The following KAZN variants were observed in gnomAD, a reference collection of about 807,000 sequenced individuals.
KAZN encodes kazrin, periplakin interacting protein, also known as kazrin.
Under a neutral mutation model 87.4 loss-of-function variants are expected in KAZN, and 40 were observed. The observed-to-expected ratio is 0.46, with a 90% CI of 0.36 to 0.60. The LOEUF (loss-of-function observed/expected upper bound fraction) is 0.60, where lower values mean the gene tolerates loss of function less well. Ranked by LOEUF, KAZN falls within the 20% of genes least tolerant of loss-of-function variation. KAZN has a pLI of 0.00. For synonymous variants in KAZN, 466 were observed against 458.3 expected, an observed-to-expected ratio of 1.02 and a Z score of -0.22; for missense variants, 898 against 1,073.9, an observed-to-expected ratio of 0.84 and a Z score of 2.29.
intron 1 of KAZN, among the ~76,000 whole-genome samples, chr1:14,112,062 G>T (rs1239065544): frequency 1.3e-5 from 2 of 148,528 alleles, no homozygotes; most frequent in Admixed American, 1.3e-4. Flanking sequence ...CTAACTTCTG[G>T]CCTGGATTCC....
At chr1:14,386,774 A>C (rs541585087) in intron 2 of KAZN, among the ~76,000 whole-genome samples, 66 of 151,960 alleles carry the variant, frequency 4.3e-4, no homozygotes, top group Non-Finnish European at 3.5e-4. Flanking sequence ...ACTTCGGTGA[A>C]TCTGACAATT....
chr1:14,013,246 A>G (rs1215273776), intron 1 of KAZN, among the ~76,000 whole-genome samples: 2 of 152,194 alleles, frequency 1.3e-5, no homozygotes, highest in Non-Finnish European at 2.9e-5. Context: ...GAAACCAACT[A>G]AAGAGTACCC....
intron 2 of KAZN, among the ~76,000 whole-genome samples, chr1:14,255,469 G>T (rs1312811666): frequency 2.0e-5 from 3 of 152,192 alleles, no homozygotes; most frequent in Non-Finnish European, 4.4e-5. Flanking sequence ...CAAGACGGAG[G>T]CTCACAGAAA....
intron 1 of KAZN, among the ~76,000 whole-genome samples, chr1:14,146,916 G>A (rs1645366307): frequency 6.6e-6 from 1 of 151,900 alleles, no homozygotes; most frequent in Non-Finnish European, 1.5e-5. Context: ...GTGTGGGTCC[G>A]CTTCTTCCAC....
At position 14,103,627 on chromosome 1, in the gene KAZN, C is replaced by T. The variant is rs569419729; in HGVS notation, c.92-76808C>T. On this transcript the variant is annotated intron_variant, in intron 1 of 16. Transcript: ENST00000636203. ...CGGCCTGGCCAGTGAGTCCTTCTCACATTGCGCCTTTCCAGCCTTCTCTGC... is the reference window on the plus strand; with the variant it reads ...CGGCCTGGCCAGTGAGTCCTTCTCATATTGCGCCTTTCCAGCCTTCTCTGC... 5.5e-4 allele frequency among the ~76,000 whole-genome samples: 83 copies of T among 152,290 alleles called. 1 individual carries two copies. Among genetic ancestry groups the T allele is most frequent in the Admixed American group, 9.8e-4 (15 of 15,308 alleles).
chr1:14,471,443 C>T (rs566219645), intron 2 of KAZN, among the ~76,000 whole-genome samples: 118 of 152,224 alleles, frequency 7.8e-4, no homozygotes, highest in African/African-American at 2.5e-3. Flanking sequence ...GAAGCTACAG[C>T]GCACACACAG....
At chr1:14,940,316 C>T (rs1037885654) in intron 1 of KAZN, among the ~76,000 whole-genome samples, 3 of 152,204 alleles carry the variant, frequency 2.0e-5, no homozygotes, top group South Asian at 2.1e-4. Flanking sequence ...ATTTTTGATT[C>T]GTTTTAAGCA....
intron 1 of KAZN, among the ~76,000 whole-genome samples, chr1:14,791,967 G>A (rs1168313802): frequency 6.6e-6 from 1 of 152,242 alleles, no homozygotes; most frequent in Non-Finnish European, 1.5e-5. Context: ...CTCGGTCAAT[G>A]CTGCGGGGAC....
intron 1 of KAZN, among the ~76,000 whole-genome samples, chr1:14,012,264 A>G (rs1157343072): frequency 1.3e-5 from 2 of 152,236 alleles, no homozygotes; most frequent in Non-Finnish European, 2.9e-5. Context: ...CATATGCCTC[A>G]TGGTATTTGA....
intron 1 of KAZN, among the ~76,000 whole-genome samples, chr1:14,844,266 A>G (rs1015631031): frequency 4.6e-5 from 7 of 152,162 alleles, no homozygotes; most frequent in Non-Finnish European, 1.0e-4. Flanking sequence ...CTTTTAAGTA[A>G]AATGATTTGC....
At chr1:15,004,572 C>A (rs1668814477) in intron 2 of KAZN, among the ~76,000 whole-genome samples, 1 of 152,192 alleles carries the variant, frequency 6.6e-6, no homozygotes, top group Non-Finnish European at 1.5e-5. Flanking sequence ...GTGTGTAAAT[C>A]CCCTGGCACA....
At chr1:14,843,449 C>A (rs1490213321) in intron 1 of KAZN, among the ~76,000 whole-genome samples, 1 of 152,112 alleles carries the variant, frequency 6.6e-6, no homozygotes, top group Non-Finnish European at 1.5e-5. Context: ...GAGAAGGGCA[C>A]AGGAGGCCCC....
chr1:14,377,401 A>G (rs1029939190), intron 2 of KAZN, among the ~76,000 whole-genome samples: 1 of 152,224 alleles, frequency 6.6e-6, no homozygotes, highest in African/African-American at 2.4e-5. Flanking sequence ...GATTGGTCTC[A>G]TTCGCCTTTA....
At chr1:14,963,442 A>T (rs1486714973) in intron 2 of KAZN, among the ~76,000 whole-genome samples, 1 of 152,190 alleles carries the variant, frequency 6.6e-6, no homozygotes, top group Admixed American at 6.5e-5. Flanking sequence ...CACTGCACAG[A>T]CACGCCTCAT....
chr1:14,558,004 ACT>A (rs1674015469), intron 2 of KAZN, among the ~76,000 whole-genome samples: 1 of 152,088 alleles, frequency 6.6e-6, no homozygotes, highest in African/African-American at 2.4e-5. Context: ...AAGCCACCAA[ACT>A]CTGATGTCCA....
At chr1:13,968,079 G>A (rs1642008339) in intron 1 of KAZN, among the ~76,000 whole-genome samples, 1 of 152,164 alleles carries the variant, frequency 6.6e-6, no homozygotes, top group Admixed American at 6.5e-5. Flanking sequence ...CTTGAGGGAG[G>A]AAATGGCTAG....
intron 2 of KAZN, among the ~76,000 whole-genome samples, chr1:14,396,036 C>G (rs757147396): frequency 5.3e-5 from 8 of 151,710 alleles, no homozygotes; most frequent in African/African-American, 1.9e-4. Flanking sequence ...GGCATAGTGG[C>G]GCGCCCCTGT....
chr1:14,370,254 G>A (rs1173974546), intron 2 of KAZN, among the ~76,000 whole-genome samples: 1 of 152,180 alleles, frequency 6.6e-6, no homozygotes. Flanking sequence ...GGAAGAAGTG[G>A]GGAGGACTGG....
chr1:14,394,439 T>C (rs1662720623), intron 2 of KAZN, among the ~76,000 whole-genome samples: 1 of 152,244 alleles, frequency 6.6e-6, no homozygotes, highest in Admixed American at 6.5e-5. Context: ...AGGAAACAAC[T>C]GAAAAGCTTT....
Sources: allele counts gnomAD v4.1 joint callset (sites outside exome capture counted in the v4.1 genomes callset), GRCh38; gene constraint gnomAD v4.1.1; transcripts MANE v1.5; gene names NCBI Gene and HGNC (gene_info 2026-07-23, HGNC 2026-07-21).